Variants in MYZAP observed in about 807,000 individuals in gnomAD.
The protein encoded by MYZAP is myocardial zonula adherens protein.
A neutral mutation model predicts 69.4 loss-of-function variants in MYZAP; 66 were observed. The ratio of observed to expected loss-of-function variants is 0.95; its 90% CI spans 0.78 to 1.17. The LOEUF (loss-of-function observed/expected upper bound fraction) is 1.17. Among genes scored for constraint, MYZAP ranks in the 50% most tolerant of loss-of-function variants. The probability of loss-of-function intolerance (pLI) is 0.00; values close to 1 mark genes in which losing one functional copy is unlikely to be tolerated. For synonymous variants in MYZAP, 256 were observed against 205.9 expected (o/e 1.24, Z -2.09); for missense variants, 611 against 556.2 (o/e 1.10, Z -0.99).
intron 10 of MYZAP, among the ~76,000 whole-genome samples, chr15:57,655,080 C>T (rs2037943848): frequency 6.6e-6 from 1 of 152,040 alleles, no homozygotes; most frequent in Non-Finnish European, 1.5e-5. Flanking sequence ...TATGATGTGT[C>T]CTAACAGGGG....
intron 11 of MYZAP, among the ~76,000 whole-genome samples, chr15:57,661,848 G>T (rs1045001541): frequency 3.3e-5 from 5 of 152,122 alleles, no homozygotes. Context: ...TTTATAATTT[G>T]TGAGATATGT....
intron 11 of MYZAP, among the ~76,000 whole-genome samples, chr15:57,661,976 C>T (rs763605113): frequency 6.6e-6 from 1 of 152,150 alleles, no homozygotes; most frequent in African/African-American, 2.4e-5. Flanking sequence ...TGGTTTTGCT[C>T]AAGGTTGCCC....
Position 57,636,730 on chromosome 15 carries a change from G to T in MYZAP, c.934-965G>T, listed in dbSNP as rs933305043. 2.6e-5 allele frequency among the ~76,000 whole-genome samples: 4 copies of T among 152,178 alleles called. No homozygotes were observed. The East Asian group carries it at 7.7e-4, about 29-fold the overall frequency. ...TGAACATTTTTCAGCTTTGTCCAAA[G>T]AAATGATTCCAGACTCTTTTTTGGG... On this transcript the variant is annotated intron_variant, in intron 8 of 12. Coordinates refer to ENST00000267853, the MANE Select transcript of MYZAP (RefSeq NM_001018100.5).
chr15:57,678,978 A>G (rs1474331761), intron 12 of MYZAP, among the ~76,000 whole-genome samples: 3 of 152,030 alleles, frequency 2.0e-5, no homozygotes, highest in Non-Finnish European at 4.4e-5. Context: ...GGAGTTTGAG[A>G]CCAGCCTGAC....
At chr15:57,617,526 A>ATG (rs2035543505) in intron 2 of MYZAP, among the ~76,000 whole-genome samples, 1 of 152,210 alleles carries the variant, frequency 6.6e-6, no homozygotes, top group African/African-American at 2.4e-5. Context: ...GAATGGTCAC[A>ATG]ACAGGTTATG....
chr15:57,603,535 C>G (rs562042793), intron 1 of MYZAP, among the ~76,000 whole-genome samples: 3 of 152,276 alleles, frequency 2.0e-5, no homozygotes, highest in African/African-American at 7.2e-5. Context: ...CTTTCTGTCT[C>G]TATGATTTTG....
intron 12 of MYZAP, among the ~76,000 whole-genome samples, chr15:57,676,586 G>T (rs1011878904): frequency 6.6e-6 from 1 of 151,568 alleles, no homozygotes. Context: ...TAATTTGGCC[G>T]TTTCCCCCCT....
At chr15:57,669,499 T>G (rs2038768890) in intron 11 of MYZAP, among the ~76,000 whole-genome samples, 1 of 152,180 alleles carries the variant, frequency 6.6e-6, no homozygotes, top group Non-Finnish European at 1.5e-5. Context: ...TCTTATCCAC[T>G]CTGTGTCTCT....
chr15:57,633,642 T>C lies in MYZAP; in HGVS notation c.834T>C (p.Ile278=), dbSNP rs1228472442. Residue 278 remains isoleucine, a synonymous_variant, in exon 8 of 13, where the codon ATT becomes ATC. Coordinates refer to ENST00000267853, the MANE Select transcript of MYZAP (RefSeq NM_001018100.5). Reference sequence around the variant, plus strand: ...AAACCAATAGTTTTCTGAAAGCGATTGAAGAAGCCAATAAAAAGATGCAAG... The same window carrying C: ...AAACCAATAGTTTTCTGAAAGCGATCGAAGAAGCCAATAAAAAGATGCAAG... ...LEETNSFLKA[I]EEANKKMQAA... is the part of the protein sequence containing the mutation. 11 of 1,613,176 alleles carry C rather than the reference T, an allele frequency of 6.8e-6. No homozygotes were observed. The highest frequency in any genetic ancestry group is 7.6e-6 in the Non-Finnish European group (9 of 1,179,654).
intron 4 of MYZAP, 113 bp downstream of exon 4, chr15:57,621,813 A>T: frequency 1.1e-6 from 1 of 906,010 alleles, no homozygotes. Context: ...TATCAATAGA[A>T]TTACATTTTA....
At chr15:57,629,481 T>A (rs1487134324) in intron 5 of MYZAP, among the ~76,000 whole-genome samples, 1 of 152,128 alleles carries the variant, frequency 6.6e-6, no homozygotes, top group Admixed American at 6.5e-5. Flanking sequence ...TATGGGATGG[T>A]ATGGGAGAGG....
chr15:57,676,442 A>ATATG (rs1353161866), intron 12 of MYZAP, among the ~76,000 whole-genome samples: 12 of 144,300 alleles, frequency 8.3e-5, no homozygotes, highest in African/African-American at 3.1e-4. Flanking sequence ...ATATGTATAT[A>ATATG]TATATATATA....
Position 57,593,214 on chromosome 15 carries a change from A to ACACACACACACC in MYZAP, c.75+1106_75+1107insACACACACACCC, listed in dbSNP as rs1172761785. Among the ~76,000 whole-genome samples the ACACACACACACC allele has an allele frequency of 1.2e-3, 168 of 141,418 alleles. 1 individual carries two copies. Among genetic ancestry groups the ACACACACACACC allele is most frequent in the Middle Eastern group, 3.7e-3 (1 of 270 alleles). 92.8% of individuals were successfully genotyped at this position (141,418 alleles called of 152,430 possible). A position where few individuals can be genotyped will look rare whatever the true frequency, so the allele number is the denominator to read the frequency against. ...CACACACACACACACACACACACAC[A>ACACACACACACC]CCCCAGAATCCATCAGTTGGCTCAT... On this transcript the variant is annotated intron_variant, in intron 1 of 12. Transcript: ENST00000267853.
At chr15:57,646,211 G>T in intron 10 of MYZAP, 1 of 1,289,336 alleles carries the variant, frequency 7.8e-7, no homozygotes, top group Non-Finnish European at 1.0e-6. Context: ...GCCTGCTCTG[G>T]GTTGGAAGCG....
intron 11 of MYZAP, among the ~76,000 whole-genome samples, chr15:57,674,008 G>T (rs1377789755): frequency 2.0e-5 from 3 of 152,196 alleles, no homozygotes; most frequent in African/African-American, 7.2e-5. Flanking sequence ...ATACAACCAG[G>T]AAGATAGATA....
rs1027032427 is a variant in MYZAP at position 57,591,919 on chromosome 15, G to A, written c.-116G>A. 2 of 1,012,910 alleles carry A rather than the reference G, an allele frequency of 2.0e-6. No homozygotes were observed. The highest frequency in any genetic ancestry group is 3.4e-5 in the African/African-American group (2 of 58,838). The allele number at this position is 1,012,910 out of a possible 1,614,324, so 62.7% of individuals were successfully genotyped here. A position where few individuals can be genotyped will look rare whatever the true frequency, so the allele number is the denominator to read the frequency against. On this transcript the variant is annotated 5_prime_UTR_variant, in exon 1 of 13. Transcript: ENST00000267853. Reference sequence around the variant, plus strand: ...ACCCCCGGGCCTTCGCGGTGCAGCTGAGGCTGCAAGTAGCCGGCGCCGTCC... The same window carrying A: ...ACCCCCGGGCCTTCGCGGTGCAGCTAAGGCTGCAAGTAGCCGGCGCCGTCC...
intron 2 of MYZAP, among the ~76,000 whole-genome samples, chr15:57,616,809 A>G (rs2035480937): frequency 1.1e-5 from 1 of 93,712 alleles, no homozygotes; most frequent in African/African-American, 4.0e-5. Flanking sequence ...GACTCCATCT[A>G]AAAAAAAAAG....
chr15:57,632,036 A>G (rs147027999), intron 6 of MYZAP, among the ~76,000 whole-genome samples: 1 of 152,214 alleles, frequency 6.6e-6, no homozygotes, highest in Admixed American at 6.5e-5. Flanking sequence ...AATGTTTCCA[A>G]AAGCAACATT....
chr15:57,637,597 A>G (rs1567221044), intron 8 of MYZAP, 98 bp from the exon 9 acceptor site: 9 of 1,342,914 alleles, frequency 6.7e-6, no homozygotes, highest in Middle Eastern at 2.5e-4. Context: ...AGGGGGTGTC[A>G]TATAGACTTG....
Sources: allele counts gnomAD v4.1 joint callset (sites outside exome capture counted in the v4.1 genomes callset), GRCh38; gene constraint gnomAD v4.1.1; transcripts MANE v1.5; gene names NCBI Gene and HGNC (gene_info 2026-07-23, HGNC 2026-07-21).